Variants in SLC9A1 observed in about 807,000 individuals in gnomAD.
The protein encoded by SLC9A1 is solute carrier family 9 member A1.
SLC9A1 carries 22 observed loss-of-function variants against 67.9 expected under a neutral mutation model. The observed-to-expected ratio is 0.32, with a 90% CI of 0.23 to 0.46. The LOEUF (loss-of-function observed/expected upper bound fraction) is 0.46. SLC9A1 is among the 20% of genes least tolerant of loss of function. The probability of loss-of-function intolerance (pLI) is 1.00; values close to 1 mark genes in which losing one functional copy is unlikely to be tolerated. For synonymous variants in SLC9A1, 421 were observed against 471.8 expected, an observed-to-expected ratio of 0.89 and a Z score of 1.40; for missense variants, 686 against 1,094.8, an observed-to-expected ratio of 0.63 and a Z score of 5.27.
intron 3 of SLC9A1, among the ~76,000 whole-genome samples, chr1:27,108,734 C>T (rs2083207377): frequency 6.6e-6 from 1 of 152,172 alleles, no homozygotes; most frequent in South Asian, 2.1e-4. Context: ...ACGCTGCCTG[C>T]AGGCAGCAAA....
intron 1 of SLC9A1, among the ~76,000 whole-genome samples, chr1:27,144,851 A>G (rs189263334): frequency 6.6e-6 from 1 of 152,224 alleles, no homozygotes; most frequent in African/African-American, 2.4e-5. Context: ...TCTACTAAAA[A>G]CACAAAAAAT....
rs1477711026 is a variant in SLC9A1, at chr1:27,099,636, AG to A, written c.*670del. 6.5e-6 allele frequency: 1 copy of A among 152,698 alleles called. No individual in the cohort carries two copies. The highest frequency in any genetic ancestry group is 1.5e-5 in the Non-Finnish European group (1 of 68,244). 9.5% of individuals were successfully genotyped at this position (152,698 alleles called of 1,614,324 possible). A position where few individuals can be genotyped will look rare whatever the true frequency, so the allele number is the denominator to read the frequency against. ...GTCCTTCCCCTAGCAGCTTCCCCTG[AG>A]GGGCCCAGTGGTCCCCGTGGGAGCA... is the stretch of plus-strand genomic sequence containing the variant. On this transcript the variant is annotated 3_prime_UTR_variant, in exon 12 of 12. Coordinates refer to ENST00000263980, the MANE Select transcript of SLC9A1 (RefSeq NM_003047.5).
Position 27,118,428 on chromosome 1 carries a change from C to A in SLC9A1, c.353-4142G>T, listed in dbSNP as rs77250692. On this transcript the variant is annotated intron_variant, in intron 1 of 11. Coordinates refer to ENST00000263980, the MANE Select transcript of SLC9A1 (RefSeq NM_003047.5). The surrounding 1 kb of genome is among the most constrained non-coding windows in gnomAD (Gnocchi z 4.3). ...AAGTGGGAAGCAGCCCCTGGACCTG[C>A]GCTGGCTTGTCCCTCTCCTAACGCC... 0.027 allele frequency among the ~76,000 whole-genome samples: 4,041 copies of A among 152,304 alleles called. 182 individuals carry two copies. Among genetic ancestry groups the A allele is most frequent in the African/African-American group, 0.09 (3,721 of 41,548 alleles).
Position 27,102,446 on chromosome 1 carries a change from C to G in SLC9A1, c.1759G>C (p.Glu587Gln), listed in dbSNP as rs1376604704. 1.9e-6 allele frequency: 3 copies of G among 1,610,736 alleles called. No homozygotes were observed. The highest frequency in any genetic ancestry group is 2.5e-6 in the Non-Finnish European group (3 of 1,177,812). Residue 587 changes from glutamate (E) to glutamine (Q), a missense_variant, in exon 8 of 12, where the codon GAG (glutamate) becomes CAG (glutamine). Transcript: ENST00000263980. ...YHKMEMKQAIELVESGGMGKI... is the reference protein window; with the variant it reads ...YHKMEMKQAIQLVESGGMGKI... ...CCCATGCCCCCGCTCTCCACCAGCT[C>G]GATGGCCTGCTTCATCTCCATCTTG...
chr1:27,140,707 T>C (rs115334065), intron 1 of SLC9A1, among the ~76,000 whole-genome samples: 3 of 152,312 alleles, frequency 2.0e-5, no homozygotes, highest in African/African-American at 7.2e-5. Flanking sequence ...TTCTGCAAAA[T>C]TGAGTGCTTT....
At chr1:27,147,316 A>AAG (rs2083494018) in intron 1 of SLC9A1, among the ~76,000 whole-genome samples, 1 of 149,702 alleles carries the variant, frequency 6.7e-6, no homozygotes, top group African/African-American at 2.5e-5. Flanking sequence ...AAAAAAAAAA[A>AAG]AAAAAGAAAA....
At chr1:27,108,188 C>T (rs1326812480) in intron 3 of SLC9A1, among the ~76,000 whole-genome samples, 2 of 151,612 alleles carry the variant, frequency 1.3e-5, no homozygotes, top group East Asian at 3.9e-4. Flanking sequence ...GCCTCAGCCT[C>T]CCGAGTGGCT....
intron 1 of SLC9A1, among the ~76,000 whole-genome samples, chr1:27,119,711 C>T (rs1247267610): frequency 6.6e-6 from 1 of 152,224 alleles, no homozygotes; most frequent in Non-Finnish European, 1.5e-5. Flanking sequence ...TGGCTGGTAA[C>T]TGGGATTCAA....
At chr1:27,102,994 TAG>T (rs1346004909) in intron 6 of SLC9A1, among the ~76,000 whole-genome samples, 1 of 152,130 alleles carries the variant, frequency 6.6e-6, no homozygotes, top group East Asian at 1.9e-4. Context: ...ATGCCTGGGA[TAG>T]GTTTCAAATG....
At chr1:27,126,876 A>G (rs551206900) in intron 1 of SLC9A1, among the ~76,000 whole-genome samples, 2 of 152,326 alleles carry the variant, frequency 1.3e-5, no homozygotes, top group South Asian at 4.1e-4. Context: ...CTCCAGCTGA[A>G]TTGGCCTTTT....
chr1:27,113,710 G>T, intron 2 of SLC9A1, 116 bp downstream of exon 2: 1 of 803,564 alleles, frequency 1.2e-6, no homozygotes, highest in Non-Finnish European at 2.1e-6. Flanking sequence ...CGGGAAGCGG[G>T]AATGTGCCTC....
intron 1 of SLC9A1, among the ~76,000 whole-genome samples, chr1:27,133,807 T>C (rs2083401704): frequency 6.6e-6 from 1 of 150,636 alleles, no homozygotes; most frequent in Admixed American, 6.6e-5. Context: ...GTCTGTTGCC[T>C]AGGCTGGAGT....
In SLC9A1 at chr1:27,129,564, CAAG is replaced by C. The variant is rs1185907081; in HGVS notation, c.353-15281_353-15279del. On this transcript the variant is annotated intron_variant, in intron 1 of 11. Coordinates refer to ENST00000263980, the MANE Select transcript of SLC9A1 (RefSeq NM_003047.5). ...CTCTCCTGTGGGAGAAGAGGGGCAG[CAAG>C]AAGTCAGAGATTAGAAGAGGGAGGG... is the stretch of plus-strand genomic sequence containing the variant. 2.6e-5 allele frequency among the ~76,000 whole-genome samples: 4 copies of C among 152,270 alleles called. No homozygotes were observed. The South Asian group carries it at 8.3e-4, about 32-fold the overall frequency.
intron 1 of SLC9A1, among the ~76,000 whole-genome samples, chr1:27,117,920 T>C (rs920164268): frequency 6.6e-6 from 1 of 152,118 alleles, no homozygotes; most frequent in South Asian, 2.1e-4. Flanking sequence ...ACTCTGAACC[T>C]CCGTGAGCAG....
intron 1 of SLC9A1, among the ~76,000 whole-genome samples, chr1:27,125,808 G>C (rs1186692018): frequency 6.6e-6 from 1 of 151,390 alleles, no homozygotes; most frequent in Non-Finnish European, 1.5e-5. Flanking sequence ...GGCCAGGGTG[G>C]TCTCGATCTC....
At chr1:27,103,835 T>C (rs1307556669) in intron 5 of SLC9A1, 1 of 157,456 alleles carries the variant, frequency 6.4e-6, no homozygotes, top group Non-Finnish European at 1.4e-5. Context: ...TTGTCTCTAT[T>C]TAACAGATGC....
chr1:27,124,931 T>C (rs138253713), intron 1 of SLC9A1, among the ~76,000 whole-genome samples: 6 of 151,970 alleles, frequency 3.9e-5, no homozygotes, highest in Admixed American at 6.6e-5. Context: ...GTGCATGGGG[T>C]GGACTGCAGA....
intron 1 of SLC9A1, among the ~76,000 whole-genome samples, chr1:27,149,532 T>C (rs1039429324): frequency 2.6e-5 from 4 of 152,216 alleles, no homozygotes; most frequent in African/African-American, 7.2e-5. Flanking sequence ...GCCACTGTTA[T>C]GGATAAACAA....
chr1:27,101,412 C>T lies in SLC9A1; in HGVS notation c.2038-137G>A. The T allele has an allele frequency of 1.5e-6, 1 of 681,462 alleles. No individual in the cohort carries two copies. Among genetic ancestry groups the T allele is most frequent in the East Asian group, 2.7e-5 (1 of 36,856 alleles). 42.2% of individuals were successfully genotyped at this position (681,462 alleles called of 1,614,324 possible). A position where few individuals can be genotyped will look rare whatever the true frequency, so the allele number is the denominator to read the frequency against. ...CCCCTCCCTTGTGCCTGTGTGGGCA[C>T]CCGTACTGGCCCCTCAGGAGCTCCT... On this transcript the variant is annotated intron_variant, in intron 10 of 11. Coordinates refer to ENST00000263980, the MANE Select transcript of SLC9A1 (RefSeq NM_003047.5). This position sits in a 1 kb window ranked among gnomAD's most constrained non-coding sequence, Gnocchi z 4.9.
Sources: allele counts gnomAD v4.1 joint callset (sites outside exome capture counted in the v4.1 genomes callset), GRCh38; gene constraint gnomAD v4.1.1; non-coding constraint Gnocchi (gnomAD v3.1); transcripts MANE v1.5; gene names NCBI Gene and HGNC (gene_info 2026-07-23, HGNC 2026-07-21).